Variants in PHTF1 observed in about 807,000 individuals in gnomAD.
PHTF1 encodes the protein protein PHTF1.
A neutral mutation model predicts 102.4 loss-of-function variants in PHTF1; 88 were observed. The observed-to-expected ratio is 0.86, with a 90% CI of 0.72 to 1.03. PHTF1 has a LOEUF of 1.03. Among genes scored for constraint, PHTF1 ranks in the 50% least tolerant of loss-of-function variants. The pLI, the probability that PHTF1 is intolerant of heterozygous loss-of-function variation, is 0.00. For missense variants in PHTF1, 814 were observed against 909.5 expected (o/e 0.89, Z 1.35); for synonymous variants, 289 against 305.2 (o/e 0.95, Z 0.55).
intron 5 of PHTF1, among the ~76,000 whole-genome samples, chr1:113,727,353 G>A (rs1653998740): frequency 6.6e-6 from 1 of 152,082 alleles, no homozygotes; most frequent in Non-Finnish European, 1.5e-5. Context: ...ATGAAGACAA[G>A]GAGTTTTGTC....
intron 7 of PHTF1, among the ~76,000 whole-genome samples, chr1:113,715,771 T>TA (rs935407993): frequency 2.4e-3 from 272 of 111,842 alleles, no homozygotes; most frequent in East Asian, 4.4e-3. Flanking sequence ...GTGAAATAAC[T>TA]AAAAAAAAAA....
In PHTF1 at chr1:113,698,338, A is replaced by G; in HGVS notation, c.2192T>C (p.Ile731Thr). 6.2e-7 allele frequency: 1 copy of G among 1,608,574 alleles called. No individual in the cohort carries two copies. Residue 731 changes from isoleucine (I) to threonine (T), a missense_variant, in exon 18 of 19, where the codon ATC becomes ACC. By Grantham distance (89) the Ile-to-Thr change is moderately conservative. Coordinates refer to ENST00000369604, the MANE Select transcript of PHTF1 (RefSeq NM_001323043.2). ...GATAACTACTCTTGTGATATTGTAGATTAAGGGATTCATTGTCAGTCCATA... is the reference window on the plus strand; with the variant it reads ...GATAACTACTCTTGTGATATTGTAGGTTAAGGGATTCATTGTCAGTCCATA... ...RLYGLTMNPLIYNITRVVILS... is the reference protein window; with the variant it reads ...RLYGLTMNPLTYNITRVVILS...
chr1:113,698,230 C>T (rs370097086), intron 18 of PHTF1, 32 bp downstream of exon 18: 15 of 1,540,634 alleles, frequency 9.7e-6, no homozygotes, highest in Middle Eastern at 1.9e-4. Context: ...ATTTTTAAGA[C>T]TAGGATGCTA....
chr1:113,701,736 C>T (rs1171417319), intron 15 of PHTF1, among the ~76,000 whole-genome samples: 2 of 145,202 alleles, frequency 1.4e-5, no homozygotes, highest in African/African-American at 2.6e-5. Context: ...TAGCAGCAGA[C>T]TTCTCAAGAT....
chr1:113,739,111 C>A (rs1370647216), intron 3 of PHTF1, among the ~76,000 whole-genome samples: 3 of 152,052 alleles, frequency 2.0e-5, no homozygotes, highest in African/African-American at 7.2e-5. Context: ...CCTCGGCCTC[C>A]CAAAAGTCTG....
At chr1:113,738,390 A>C (rs1655849946) in intron 4 of PHTF1, 122 bp from the exon 5 acceptor site, 3 of 664,364 alleles carry the variant, frequency 4.5e-6, no homozygotes, top group Non-Finnish European at 7.5e-6. Flanking sequence ...TCAGTTAAAA[A>C]AAAAAACCCT....
intron 11 of PHTF1, among the ~76,000 whole-genome samples, chr1:113,709,871 T>C (rs1417048418): frequency 2.0e-5 from 3 of 152,210 alleles, no homozygotes; most frequent in Non-Finnish European, 2.9e-5. Flanking sequence ...ATTTTATGCA[T>C]TGTTCAAAAA....
intron 5 of PHTF1, among the ~76,000 whole-genome samples, chr1:113,731,353 C>T (rs1385840835): frequency 6.6e-6 from 1 of 151,598 alleles, no homozygotes; most frequent in African/African-American, 2.4e-5. Flanking sequence ...GGCAATATAG[C>T]GAGAGCCCAT....
chr1:113,702,071 T>C (rs1373256365), intron 15 of PHTF1, among the ~76,000 whole-genome samples: 1 of 152,000 alleles, frequency 6.6e-6, no homozygotes, highest in Non-Finnish European at 1.5e-5. Flanking sequence ...AAAACAATAA[T>C]AATTACATCT....
chr1:113,709,236 A>C (rs1650686208), intron 11 of PHTF1, among the ~76,000 whole-genome samples: 1 of 152,204 alleles, frequency 6.6e-6, no homozygotes, highest in African/African-American at 2.4e-5. Context: ...CTCTGTCCCA[A>C]AAAAGAAAAC....
At chr1:113,743,412 T>C (rs1290003860) in intron 3 of PHTF1, among the ~76,000 whole-genome samples, 1 of 152,168 alleles carries the variant, frequency 6.6e-6, no homozygotes, top group Admixed American at 6.5e-5. Flanking sequence ...CACAATGCCT[T>C]CTTCTGGAAT....
At position 113,759,471 on chromosome 1, in the gene PHTF1, AGT is replaced by A. The variant is rs1403961680; in HGVS notation, c.-481_-480del. On this transcript the variant is annotated 5_prime_UTR_variant, in exon 1 of 19. Transcript: ENST00000369604. ...TCTTCTGCGGGCCGCGCCGGGATGC[AGT>A]GACTCAGCCGTCTGAGATCTGGGCT... The A allele has an allele frequency of 6.6e-6, 1 of 152,354 alleles. No individual in the cohort carries two copies. Among genetic ancestry groups the A allele is most frequent in the African/African-American group, 2.4e-5 (1 of 41,466 alleles). The allele number at this position is 152,354 out of a possible 1,614,324, so 9.4% of individuals were successfully genotyped here.
chr1:113,698,648 C>T (rs1460783864), intron 17 of PHTF1, among the ~76,000 whole-genome samples: 2 of 151,816 alleles, frequency 1.3e-5, no homozygotes, highest in Non-Finnish European at 2.9e-5. Flanking sequence ...CACACACACA[C>T]ACACACACAC....
At chr1:113,724,399 T>A (rs979574142) in intron 7 of PHTF1, among the ~76,000 whole-genome samples, 2 of 151,776 alleles carry the variant, frequency 1.3e-5, no homozygotes, top group African/African-American at 2.4e-5. Flanking sequence ...ATTAGCTGGG[T>A]GTGGCGGCGG....
chr1:113,704,692 A>G lies in PHTF1; in HGVS notation c.1777T>C (p.Trp593Arg). Residue 593 changes from tryptophan (W) to arginine (R), a missense_variant, in exon 14 of 19, where the codon TGG becomes CGG. Coordinates refer to ENST00000369604, the MANE Select transcript of PHTF1 (RefSeq NM_001323043.2). ...TTTAGATAGGAACGCAGTGATAACC[A>G]TATTTTAATATTCTCCACCTTCTTA... ...RLKKVENIKI[W>R]LSLRSYLKRR... 3 of 1,590,042 alleles carry G rather than the reference A, an allele frequency of 1.9e-6. No homozygotes were observed. Among genetic ancestry groups the G allele is most frequent in the Non-Finnish European group, 2.6e-6 (3 of 1,161,698 alleles).
intron 6 of PHTF1, chr1:113,725,535 T>C (rs191695588): frequency 6.6e-6 from 1 of 152,328 alleles, no homozygotes; most frequent in Admixed American, 6.5e-5. Context: ...TGAGGGAAGA[T>C]AACATAACTT....
intron 3 of PHTF1, among the ~76,000 whole-genome samples, 199 bp downstream of exon 3, chr1:113,757,500 T>C (rs1034191039): frequency 1.3e-5 from 2 of 152,318 alleles, no homozygotes; most frequent in Non-Finnish European, 2.9e-5. Flanking sequence ...ATAGAACAAC[T>C]CACTCCTTTC....
chr1:113,717,219 A>G (rs1652201387), intron 7 of PHTF1, among the ~76,000 whole-genome samples: 1 of 152,140 alleles, frequency 6.6e-6, no homozygotes, highest in East Asian at 1.9e-4. Flanking sequence ...AAAAAATAAT[A>G]AAAGATGCAT....
At chr1:113,732,209 A>C (rs148212736) in intron 5 of PHTF1, among the ~76,000 whole-genome samples, 1 of 152,102 alleles carries the variant, frequency 6.6e-6, no homozygotes, top group African/African-American at 2.4e-5. Context: ...ATAATGAAGA[A>C]ATACTTGGCC....
Sources: allele counts gnomAD v4.1 joint callset (sites outside exome capture counted in the v4.1 genomes callset), GRCh38; gene constraint gnomAD v4.1.1; transcripts MANE v1.5; gene names NCBI Gene and HGNC (gene_info 2026-07-23, HGNC 2026-07-21).